The following ITPR2 variants were observed in gnomAD, a reference collection of about 807,000 sequenced individuals.
ITPR2 encodes the protein inositol 1,4,5-trisphosphate receptor type 2.
Under a neutral mutation model 317.1 loss-of-function variants are expected in ITPR2, and 207 were observed. The ratio of observed to expected loss-of-function variants is 0.65; its 90% CI spans 0.58 to 0.73. The LOEUF is 0.73. Among genes scored for constraint, ITPR2 ranks in the 30% least tolerant of loss-of-function variants. The pLI is 0.00. For missense variants in ITPR2, 2,613 were observed against 3,284.0 expected, an observed-to-expected ratio of 0.80 and a Z score of 4.99; for synonymous variants, 1,156 against 1,149.1, an observed-to-expected ratio of 1.01 and a Z score of -0.12.
At chr12:26,493,436 G>T (rs1412185103) in intron 39 of ITPR2, among the ~76,000 whole-genome samples, 1 of 152,168 alleles carries the variant, frequency 6.6e-6, no homozygotes, top group Non-Finnish European at 1.5e-5. Flanking sequence ...AACCTAGAAA[G>T]AGCAGGCTAC....
At chr12:26,477,874 G>A (rs569498579) in intron 43 of ITPR2, among the ~76,000 whole-genome samples, 95 of 152,206 alleles carry the variant, frequency 6.2e-4, no homozygotes, top group African/African-American at 2.1e-3. Flanking sequence ...TTGGCAAATT[G>A]CAATATGAAA....
At chr12:26,410,584 A>T (rs1940516446) in intron 52 of ITPR2, among the ~76,000 whole-genome samples, 1 of 152,156 alleles carries the variant, frequency 6.6e-6, no homozygotes, top group African/African-American at 2.4e-5. Context: ...TGCCCTCTGT[A>T]GATACAACAC....
At chr12:26,746,987 T>G (rs1949336198) in intron 2 of ITPR2, among the ~76,000 whole-genome samples, 1 of 152,166 alleles carries the variant, frequency 6.6e-6, no homozygotes, top group Non-Finnish European at 1.5e-5. Context: ...CTTTTTCTCT[T>G]GCTAAATATT....
rs998675634 is a variant in ITPR2, at chr12:26,495,082, A to T, written c.5182+70T>A. 43 of 838,410 alleles carry T rather than the reference A, an allele frequency of 5.1e-5. 1 individual carries two copies. The Middle Eastern group carries it at 2.2e-3, about 42-fold the overall frequency. 51.9% of individuals were successfully genotyped at this position (838,410 alleles called of 1,614,324 possible). On this transcript the variant is annotated intron_variant, in intron 38 of 56. Transcript: ENST00000381340. ...TATATATCTGCCATTTCAGTAAAAT[A>T]CTAGAGTAACACTGACATGAAGATG... is the stretch of plus-strand genomic sequence containing the variant.
intron 15 of ITPR2, among the ~76,000 whole-genome samples, chr12:26,660,802 A>T (rs1195908336): frequency 1.3e-5 from 2 of 152,130 alleles, no homozygotes; most frequent in Non-Finnish European, 2.9e-5. Flanking sequence ...ATGAAATTAG[A>T]GGTGGTATCA....
intron 49 of ITPR2, among the ~76,000 whole-genome samples, chr12:26,425,161 C>T (rs1941019559): frequency 6.6e-6 from 1 of 151,822 alleles, no homozygotes; most frequent in Admixed American, 6.6e-5. Context: ...CCAGACTGGC[C>T]TCAAACTCCT....
At chr12:26,648,206 C>T (rs773470793) in intron 21 of ITPR2, among the ~76,000 whole-genome samples, 7 of 152,174 alleles carry the variant, frequency 4.6e-5, no homozygotes, top group Non-Finnish European at 2.9e-5. Flanking sequence ...GAATGCTGTG[C>T]GTGCACATCC....
At chr12:26,395,391 A>G (rs1939963911) in intron 54 of ITPR2, among the ~76,000 whole-genome samples, 1 of 152,224 alleles carries the variant, frequency 6.6e-6, no homozygotes, top group African/African-American at 2.4e-5. Context: ...GAAAAGCCAA[A>G]GAGAATTCTG....
chr12:26,539,365 C>T (rs1368629019), intron 37 of ITPR2, among the ~76,000 whole-genome samples: 1 of 152,174 alleles, frequency 6.6e-6, no homozygotes, highest in Non-Finnish European at 1.5e-5. Context: ...GGACCTTGGC[C>T]TCTCCCCATA....
chr12:26,565,859 G>GAGGAT (rs1262155066), intron 34 of ITPR2, among the ~76,000 whole-genome samples: 6 of 70,426 alleles, frequency 8.5e-5, no homozygotes, highest in African/African-American at 3.0e-4. Flanking sequence ...GAGGAGAGGA[G>GAGGAT]AGGGGAGGGG....
At chr12:26,583,407 G>T (rs1945448998) in intron 32 of ITPR2, among the ~76,000 whole-genome samples, 1 of 151,522 alleles carries the variant, frequency 6.6e-6, no homozygotes, top group African/African-American at 2.4e-5. Flanking sequence ...ATGTATTTTT[G>T]CATTCTATTT....
At chr12:26,418,606 T>A (rs1317430605) in intron 50 of ITPR2, among the ~76,000 whole-genome samples, 1 of 152,306 alleles carries the variant, frequency 6.6e-6, no homozygotes, top group Middle Eastern at 3.4e-3. Flanking sequence ...ATGGTTTTTT[T>A]AAATCCCCCT....
At chr12:26,347,276 C>T (rs1173776065) in intron 55 of ITPR2, among the ~76,000 whole-genome samples, 1 of 152,108 alleles carries the variant, frequency 6.6e-6, no homozygotes. Flanking sequence ...TTATGTTAGG[C>T]GAACATTGGA....
intron 2 of ITPR2, among the ~76,000 whole-genome samples, chr12:26,770,644 T>C (rs1265332971): frequency 1.3e-5 from 2 of 152,216 alleles, no homozygotes; most frequent in East Asian, 1.9e-4. Context: ...TGAGATATGA[T>C]AGAGAATGTT....
intron 32 of ITPR2, among the ~76,000 whole-genome samples, chr12:26,584,557 G>A (rs926536297): frequency 2.0e-5 from 3 of 152,030 alleles, no homozygotes; most frequent in Non-Finnish European, 1.5e-5. Context: ...GATCGTCTAT[G>A]GTAAATAAGT....
intron 30 of ITPR2, among the ~76,000 whole-genome samples, chr12:26,597,685 G>A (rs17476445): frequency 0.12 from 18,621 of 152,080 alleles, 1,585 homozygotes; most frequent in Admixed American, 0.19. Context: ...CCAAAAAACC[G>A]AGAGAAACAA....
At chr12:26,407,887 A>G (rs1028352661) in intron 52 of ITPR2, among the ~76,000 whole-genome samples, 28 of 152,244 alleles carry the variant, frequency 1.8e-4, no homozygotes, top group Non-Finnish European at 4.4e-5. Flanking sequence ...TCAGCACAGT[A>G]CCTGAAATGA....
chr12:26,795,059 G>A (rs1950407997), intron 1 of ITPR2, among the ~76,000 whole-genome samples: 1 of 152,118 alleles, frequency 6.6e-6, no homozygotes, highest in Admixed American at 6.5e-5. Flanking sequence ...CATTTTTATA[G>A]TATCTAAAAT....
At chr12:26,815,207 T>A (rs1432802234) in intron 1 of ITPR2, among the ~76,000 whole-genome samples, 1 of 152,054 alleles carries the variant, frequency 6.6e-6, no homozygotes, top group Non-Finnish European at 1.5e-5. Context: ...GGTGCACGCC[T>A]CTAGTCCCCA....
Sources: allele counts gnomAD v4.1 joint callset (sites outside exome capture counted in the v4.1 genomes callset), GRCh38; gene constraint gnomAD v4.1.1; transcripts MANE v1.5; gene names NCBI Gene and HGNC (gene_info 2026-07-23, HGNC 2026-07-21).